The following BANP variants were observed in gnomAD, a reference collection of about 807,000 sequenced individuals.
BANP encodes the protein BTG3 associated nuclear protein.
A neutral mutation model predicts 68.1 loss-of-function variants in BANP; 11 were observed. The observed-to-expected ratio is 0.16, with a 90% CI of 0.10 to 0.27. The LOEUF is 0.27. BANP is among the 10% of genes least tolerant of loss of function. BANP has a pLI of 1.00. For missense variants in BANP, 504 were observed against 722.7 expected, an observed-to-expected ratio of 0.70 and a Z score of 3.47; for synonymous variants, 329 against 303.2, an observed-to-expected ratio of 1.09 and a Z score of -0.88.
At chr16:88,033,266 A>G (rs1369978559) in intron 9 of BANP, 21 bp downstream of exon 9, 2 of 1,532,968 alleles carry the variant, frequency 1.3e-6, no homozygotes, top group Non-Finnish European at 1.8e-6. Context: ...TCTCCACCTC[A>G]CACCTTGGGA....
intron 10 of BANP, 65 bp from the exon 11 acceptor site, chr16:88,037,908 G>A: frequency 2.0e-6 from 3 of 1,512,492 alleles, no homozygotes; most frequent in Non-Finnish European, 2.8e-6. Flanking sequence ...TGGCGTGTTT[G>A]CCGTGTCTGA....
chr16:87,986,811 C>G (rs997331440), intron 4 of BANP, among the ~76,000 whole-genome samples: 1 of 152,156 alleles, frequency 6.6e-6, no homozygotes, highest in Non-Finnish European at 1.5e-5. Flanking sequence ...CTAATACTGA[C>G]TCAGATGCAC....
intron 1 of BANP, among the ~76,000 whole-genome samples, chr16:87,966,063 C>T (rs1316114150): frequency 3.9e-5 from 6 of 152,350 alleles, no homozygotes; most frequent in East Asian, 3.9e-4. Flanking sequence ...TCATATCATC[C>T]GCACCGCTGT....
intron 4 of BANP, among the ~76,000 whole-genome samples, chr16:87,999,093 C>G (rs1158373303): frequency 6.9e-6 from 1 of 145,820 alleles, no homozygotes; most frequent in Non-Finnish European, 1.5e-5. Context: ...CGCGGCTGTA[C>G]TTGCCTGTCC....
intron 11 of BANP, among the ~76,000 whole-genome samples, chr16:88,062,479 A>AAGT (rs2087104855): frequency 6.6e-6 from 1 of 152,210 alleles, no homozygotes; most frequent in African/African-American, 2.4e-5. Flanking sequence ...ATCTGAAAAC[A>AAGT]ACTGGCTCTG....
chr16:87,970,730 A>G (rs1241347510), intron 1 of BANP, among the ~76,000 whole-genome samples: 3 of 152,050 alleles, frequency 2.0e-5, no homozygotes, highest in African/African-American at 7.2e-5. Flanking sequence ...CTCAGACAGA[A>G]CTCTACCGGC....
intron 7 of BANP, among the ~76,000 whole-genome samples, chr16:88,024,022 T>C (rs890506095): frequency 6.6e-6 from 1 of 151,732 alleles, no homozygotes; most frequent in African/African-American, 2.4e-5. Flanking sequence ...AGCAGCCGGA[T>C]GCCGAGCACT....
chr16:87,967,479 C>T (rs1399569135), intron 1 of BANP, among the ~76,000 whole-genome samples: 2 of 151,808 alleles, frequency 1.3e-5, no homozygotes, highest in African/African-American at 4.8e-5. Context: ...TTTTTTGAGA[C>T]GGATCTCGCT....
intron 6 of BANP, among the ~76,000 whole-genome samples, chr16:88,007,602 A>T (rs2071621658): frequency 6.6e-6 from 1 of 152,234 alleles, no homozygotes; most frequent in Non-Finnish European, 1.5e-5. Context: ...TGGAGTTGTA[A>T]AGCATGTGTT....
chr16:87,998,617 C>T (rs1310656465), intron 4 of BANP, among the ~76,000 whole-genome samples: 5 of 95,084 alleles, frequency 5.3e-5, no homozygotes, highest in African/African-American at 1.4e-4. Context: ...CATGCCCGCA[C>T]GTGCGCGGCT....
At chr16:88,038,432 A>C (rs1052854019) in intron 11 of BANP, among the ~76,000 whole-genome samples, 19 of 152,188 alleles carry the variant, frequency 1.2e-4, no homozygotes, top group African/African-American at 4.6e-4. Context: ...GTAGGATTTC[A>C]GCAGCTTTTG....
chr16:88,020,742 G>A (rs573276285), intron 7 of BANP, among the ~76,000 whole-genome samples: 2 of 152,324 alleles, frequency 1.3e-5, no homozygotes, highest in Admixed American at 1.3e-4. Flanking sequence ...GAGAAGACAG[G>A]GGCCTTGGAT....
chr16:88,046,170 G>A (rs944260470), intron 11 of BANP, among the ~76,000 whole-genome samples: 1 of 152,234 alleles, frequency 6.6e-6, no homozygotes, highest in Non-Finnish European at 1.5e-5. Flanking sequence ...ACTGGACTGC[G>A]GCCCTTAGAG....
chr16:88,057,656 G>A lies in BANP; in HGVS notation c.1312-7611G>A, dbSNP rs559274395. Among the ~76,000 whole-genome samples the A allele has an allele frequency of 1.6e-4, 24 of 151,694 alleles. No individual in the cohort carries two copies. Among genetic ancestry groups the A allele is most frequent in the Admixed American group, 1.3e-3 (20 of 15,226 alleles). On this transcript the variant is annotated intron_variant, in intron 11 of 13. Coordinates refer to ENST00000682872, the MANE Select transcript of BANP (RefSeq NM_001386991.1). The surrounding 1 kb of genome is among the most constrained non-coding windows in gnomAD (Gnocchi z 4.6). Reference sequence around the variant, plus strand: ...ACACCCTTCATGTTGGCAATGTTTGGGTCCTGGTTCTTACATCCCAGAAGG... The same window carrying A: ...ACACCCTTCATGTTGGCAATGTTTGAGTCCTGGTTCTTACATCCCAGAAGG...
rs533465801 is a variant in BANP, at chr16:88,031,639, A to ACT, written c.1064-1462_1064-1461dup. ...ACTCCAGCCTGGGTGACAGAGCAAG[A>ACT]CTCTCTCTCAAAAAAAAAAAAAAAG... On this transcript the variant is annotated intron_variant, in intron 8 of 13. Coordinates refer to ENST00000682872, the MANE Select transcript of BANP (RefSeq NM_001386991.1). Among the ~76,000 whole-genome samples the ACT allele has an allele frequency of 2.9e-3, 417 of 143,558 alleles. 1 individual carries two copies. Among genetic ancestry groups the ACT allele is most frequent in the African/African-American group, 0.011 (383 of 36,452 alleles). 94.2% of individuals were successfully genotyped at this position (143,558 alleles called of 152,430 possible).
At chr16:87,976,803 T>A (rs951853346) in intron 2 of BANP, among the ~76,000 whole-genome samples, 4 of 152,200 alleles carry the variant, frequency 2.6e-5, no homozygotes, top group African/African-American at 9.7e-5. Flanking sequence ...GAAGGCAGCA[T>A]TTCAGGAGTG....
chr16:88,043,015 A>G (rs536235781), intron 11 of BANP, among the ~76,000 whole-genome samples: 4 of 152,246 alleles, frequency 2.6e-5, no homozygotes, highest in Non-Finnish European at 4.4e-5. Context: ...GTTGTGTATT[A>G]TCTTTCCTCC....
At chr16:87,954,742 C>T (rs147250436) in intron 1 of BANP, among the ~76,000 whole-genome samples, 22 of 152,340 alleles carry the variant, frequency 1.4e-4, no homozygotes, top group Non-Finnish European at 2.9e-4. Context: ...CTGCCCTGAT[C>T]GGGTCCTCTG....
At chr16:88,075,164 G>A (rs1735717677) in intron 13 of BANP, among the ~76,000 whole-genome samples, 1 of 152,142 alleles carries the variant, frequency 6.6e-6, no homozygotes, top group Non-Finnish European at 1.5e-5. Context: ...TGCTCAACCT[G>A]GTGAAACCCC....
Sources: gnomAD v4.1 joint callset for allele counts (sites outside exome capture counted in the v4.1 genomes callset) on GRCh38, gnomAD v4.1.1 for gene constraint, Gnocchi (gnomAD v3.1) non-coding constraint, MANE v1.5 for transcripts, NCBI Gene and HGNC (gene_info 2026-07-23, HGNC 2026-07-21) for gene names.